Variants in STAG3 observed in about 807,000 individuals in gnomAD.
STAG3 encodes STAG3 cohesin complex component.
A neutral mutation model predicts 160.7 loss-of-function variants in STAG3; 101 were observed. That is an observed-to-expected ratio of 0.63 (90% CI 0.54 to 0.74). The LOEUF (loss-of-function observed/expected upper bound fraction) is 0.74. Among genes scored for constraint, STAG3 ranks in the 30% least tolerant of loss-of-function variants. The pLI is 0.00. For missense variants in STAG3, 1,188 were observed against 1,517.4 expected (o/e 0.78, Z 3.61); for synonymous variants, 519 against 585.0 (o/e 0.89, Z 1.63).
At chr7:100,179,799 G>A (rs55796551) in intron 1 of STAG3, among the ~76,000 whole-genome samples, 44,642 of 151,952 alleles carry the variant, frequency 0.29, 7,300 homozygotes, top group East Asian at 0.63. Context: ...GCAGTGGCAC[G>A]ATCTCAGCTC....
At chr7:100,218,985 G>GGATA (rs1350603532), downstream of STAG3, 1 of 156,984 alleles carries the variant, frequency 6.4e-6, no homozygotes, top group African/African-American at 2.4e-5. Flanking sequence ...ATTCACCAAA[G>GGATA]GATAGATAAA....
chr7:100,189,595 A>G lies in STAG3; in HGVS notation c.866A>G (p.Glu289Gly), dbSNP rs761331641. ...RLESLLEKRK[E>G]LQEHQEEIEG... Reference sequence around the variant, plus strand: ...GAGAGCCTGTTGGAGAAACGCAAAGAGGTGAGGAGTGTTCCCTGCTTCTTC... The same window carrying G: ...GAGAGCCTGTTGGAGAAACGCAAAGGGGTGAGGAGTGTTCCCTGCTTCTTC... Residue 289 changes from glutamate (E) to glycine (G), a missense_variant and splice_region_variant, in exon 8 of 34, where the codon GAG becomes GGG. Physicochemically the swap from Glu to Gly is moderately conservative, Grantham distance 98. Around this residue, in one of 4 missense-constraint regions of STAG3, gnomAD observed 296 missense variants for 404.0 expected, o/e 0.73. Coordinates refer to ENST00000615138, the MANE Select transcript of STAG3 (RefSeq NM_001282717.2). 3.1e-6 allele frequency: 5 copies of G among 1,610,914 alleles called. No individual in the cohort carries two copies. The highest frequency in any genetic ancestry group is 4.2e-6 in the Non-Finnish European group (5 of 1,179,030).
chr7:100,197,379 G>A (rs1048098409), intron 10 of STAG3, 100 bp downstream of exon 10: 2 of 1,528,076 alleles, frequency 1.3e-6, no homozygotes, highest in East Asian at 2.3e-5. Flanking sequence ...ATTTTACCTA[G>A]TGACCAATGA....
chr7:100,195,577 G>C (rs978681070), intron 9 of STAG3, among the ~76,000 whole-genome samples, 195 bp downstream of exon 9: 1 of 152,224 alleles, frequency 6.6e-6, no homozygotes, highest in Non-Finnish European at 1.5e-5. Context: ...AAAGGATCTT[G>C]TAAGTGCTTC....
In STAG3 at chr7:100,182,715, C is replaced by T; in HGVS notation, c.220-8C>T. On this transcript the variant is annotated splice_polypyrimidine_tract_variant and splice_region_variant and intron_variant, in intron 3 of 33. Coordinates refer to ENST00000615138, the MANE Select transcript of STAG3 (RefSeq NM_001282717.2). ...TTTTCATATTTCTGATCTTTTTATACATATTAGGTGGCAAAACATCCAAAG... is the reference window on the plus strand; with the variant it reads ...TTTTCATATTTCTGATCTTTTTATATATATTAGGTGGCAAAACATCCAAAG... 6.2e-7 allele frequency: 1 copy of T among 1,612,024 alleles called. No homozygotes were observed. The highest frequency in any genetic ancestry group is 8.5e-7 in the Non-Finnish European group (1 of 1,178,862).
rs1801752002 is a variant in STAG3 at position 100,207,378 on chromosome 7, C to A, written c.3238+1994C>A. On this transcript the variant is annotated intron_variant, in intron 29 of 33. Coordinates refer to ENST00000615138, the MANE Select transcript of STAG3 (RefSeq NM_001282717.2). The surrounding 1 kb of genome is among the most constrained non-coding windows in gnomAD (Gnocchi z 4.0). ...TGGTTTCTCCATGTTGTCACCGGTACTTATTAATGTCTTTTTTTATTTTAT... is the reference window on the plus strand; with the variant it reads ...TGGTTTCTCCATGTTGTCACCGGTAATTATTAATGTCTTTTTTTATTTTAT... 6.6e-6 allele frequency among the ~76,000 whole-genome samples: 1 copy of A among 152,172 alleles called. No homozygotes were observed. The highest frequency in any genetic ancestry group is 2.1e-4 in the South Asian group (1 of 4,824).
chr7:100,199,473 G>C lies in STAG3; in HGVS notation c.1574-68G>C, dbSNP rs956597291. 135 of 1,550,612 alleles carry C rather than the reference G, an allele frequency of 8.7e-5. 1 individual carries two copies. The highest frequency in any genetic ancestry group is 4.1e-4 in the Middle Eastern group (2 of 4,878). On this transcript the variant is annotated intron_variant, in intron 15 of 33. Coordinates refer to ENST00000615138, the MANE Select transcript of STAG3 (RefSeq NM_001282717.2). ...CAAGGCAGCAACGGTGGCATCGGGT[G>C]GGGGGAGCTTGGAGTTGGAAGGTGG...
intron 4 of STAG3, among the ~76,000 whole-genome samples, chr7:100,184,560 C>T (rs561468516): frequency 4.6e-4 from 69 of 150,484 alleles, no homozygotes; most frequent in Non-Finnish European, 6.8e-4. Flanking sequence ...CTCCACCTCC[C>T]GGGTTCACAT....
At chr7:100,213,636 ATTTG>A (rs1271953108) in intron 32 of STAG3, 95 bp from the exon 33 acceptor site, 5 of 1,588,004 alleles carry the variant, frequency 3.1e-6, no homozygotes, top group Non-Finnish European at 4.3e-6. Flanking sequence ...CTGTGCCCAT[ATTTG>A]TTCTTATGAG....
chr7:100,186,430 T>C (rs1800007154), intron 5 of STAG3, 134 bp downstream of exon 5: 6 of 853,446 alleles, frequency 7.0e-6, no homozygotes, highest in African/African-American at 1.7e-5. Context: ...AAAATTTTAC[T>C]TATTTAGGCC....
At position 100,214,039 on chromosome 7, in the gene STAG3, C is replaced by T. The variant is rs1802549840; in HGVS notation, c.*24C>T. On this transcript the variant is annotated 3_prime_UTR_variant, in exon 34 of 34. Transcript: ENST00000615138. ...GACAGGACTCTGGGCCCCTCCCCAG[C>T]TCCACTCCCTACCTCAAGAATGTGA... is the stretch of plus-strand genomic sequence containing the variant. 6.2e-7 allele frequency: 1 copy of T among 1,613,488 alleles called. No individual in the cohort carries two copies. The highest frequency in any genetic ancestry group is 8.5e-7 in the Non-Finnish European group (1 of 1,179,550).
At position 100,180,523 on chromosome 7, in the gene STAG3, A is replaced by G. The variant is rs1799575538; in HGVS notation, c.-34A>G. The G allele has an allele frequency of 3.7e-6, 5 of 1,343,828 alleles. No homozygotes were observed. The highest frequency in any genetic ancestry group is 1.8e-4 in the Middle Eastern group (1 of 5,416). 83.2% of individuals were successfully genotyped at this position (1,343,828 alleles called of 1,614,324 possible). On this transcript the variant is annotated 5_prime_UTR_variant, in exon 2 of 34. Coordinates refer to ENST00000615138, the MANE Select transcript of STAG3 (RefSeq NM_001282717.2). ...TCGCCATACCTACCCTGTGGTCCTC[A>G]TCTTCCTGGCCTCATAGCTCCTCCT...
chr7:100,186,870 C>T (rs1562968359), intron 5 of STAG3, among the ~76,000 whole-genome samples: 1 of 152,222 alleles, frequency 6.6e-6, no homozygotes, highest in Non-Finnish European at 1.5e-5. Flanking sequence ...TAATGTTACT[C>T]TTTGTTTCCC....
intron 32 of STAG3, chr7:100,213,501 G>A (rs1311445533): frequency 3.0e-6 from 3 of 985,184 alleles, no homozygotes; most frequent in East Asian, 1.1e-4. Context: ...GAAAAAATCC[G>A]TTTTCTGGTT....
intron 8 of STAG3, among the ~76,000 whole-genome samples, chr7:100,194,391 G>A (rs1364955694): frequency 1.3e-5 from 2 of 152,230 alleles, no homozygotes; most frequent in African/African-American, 4.8e-5. Flanking sequence ...AGGAGAGAGA[G>A]AGAGACAGAG....
rs971147552 is a variant in STAG3 at position 100,205,026 on chromosome 7, G to A, written c.2973G>A (p.Leu991=). Residue 991 remains leucine, a synonymous_variant, in exon 28 of 34, where the codon TTG becomes TTA. Coordinates refer to ENST00000615138, the MANE Select transcript of STAG3 (RefSeq NM_001282717.2). ...CAAGGGAAGGCATCCAGTTCTCCTT[G>A]TCTGAGCTTCCTCCAGCTGGCTCCT... ...MLHKEGIQFS[L]SELPPAGSSN... 1 of 1,613,836 alleles carries A rather than the reference G, an allele frequency of 6.2e-7. No individual in the cohort carries two copies. Among genetic ancestry groups the A allele is most frequent in the Non-Finnish European group, 8.5e-7 (1 of 1,179,926 alleles).
intron 11 of STAG3, 60 bp from the exon 12 acceptor site, chr7:100,198,027 G>A: frequency 6.3e-7 from 1 of 1,589,030 alleles, no homozygotes; most frequent in Non-Finnish European, 8.6e-7. Context: ...CTGATTCTAA[G>A]AGAACAGAAT....
rs755650872 is a variant in STAG3, at chr7:100,186,215, T to C, written c.352T>C (p.Trp118Arg). The change falls in exon 5 of 34, where the codon TGG (tryptophan) becomes CGG (arginine). Residue 118 changes from tryptophan (W) to arginine (R), a missense_variant. Trp to Arg is a moderately radical substitution (Grantham distance 101). Around this residue, in one of 4 missense-constraint regions of STAG3, gnomAD observed 296 missense variants for 404.0 expected, o/e 0.73. Coordinates refer to ENST00000615138, the MANE Select transcript of STAG3 (RefSeq NM_001282717.2). ...KSDMQSLVDE[W>R]LDSYKQDQDA... ...TTTTCCCTAGTCTTTGGTAGATGAG[T>C]GGCTGGATAGCTACAAGCAAGACCA... 3.1e-6 allele frequency: 5 copies of C among 1,614,020 alleles called. No individual in the cohort carries two copies. The highest frequency in any genetic ancestry group is 4.2e-6 in the Non-Finnish European group (5 of 1,179,962).
At chr7:100,200,388 G>C (rs543033279) in intron 17 of STAG3, 60 bp downstream of exon 17, 7 of 1,612,572 alleles carry the variant, frequency 4.3e-6, no homozygotes, top group Admixed American at 3.3e-5. Flanking sequence ...TGGCCTCTGT[G>C]GGGGTGGGAG....
Sources: allele counts gnomAD v4.1 joint callset (sites outside exome capture counted in the v4.1 genomes callset), GRCh38; gene constraint gnomAD v4.1.1; regional missense constraint gnomAD v4.1.1; non-coding constraint Gnocchi (gnomAD v3.1); transcripts MANE v1.5; gene names NCBI Gene and HGNC (gene_info 2026-07-23, HGNC 2026-07-21).